The following MRTFA variants were observed in gnomAD, a reference collection of about 807,000 sequenced individuals.
MRTFA encodes the protein myocardin related transcription factor A, also known as myocardin-related transcription factor A.
In MRTFA, 20 loss-of-function variants were observed where a neutral mutation model predicts 83.5. The observed-to-expected ratio is 0.24, with a 90% CI of 0.17 to 0.35. The LOEUF is 0.35. MRTFA is among the 10% of genes least tolerant of loss of function. The pLI, the probability that MRTFA is intolerant of heterozygous loss-of-function variation, is 1.00. For missense variants in MRTFA, 1,200 were observed against 1,224.7 expected, an observed-to-expected ratio of 0.98 and a Z score of 0.30; for synonymous variants, 659 against 541.2, an observed-to-expected ratio of 1.22 and a Z score of -3.02.
At chr22:40,563,362 T>C (rs2055657265) in intron 2 of MRTFA, among the ~76,000 whole-genome samples, 1 of 152,180 alleles carries the variant, frequency 6.6e-6, no homozygotes, top group African/African-American at 2.4e-5. Context: ...TGAAAGGAAC[T>C]CCATTCTACT....
chr22:40,449,768 T>G (rs1358266414), intron 4 of MRTFA, among the ~76,000 whole-genome samples: 1 of 152,214 alleles, frequency 6.6e-6, no homozygotes, highest in Non-Finnish European at 1.5e-5. Context: ...AGTTTTAATT[T>G]CCTGGACTCC....
At chr22:40,554,095 G>C (rs2055483968) in intron 2 of MRTFA, among the ~76,000 whole-genome samples, 2 of 152,128 alleles carry the variant, frequency 1.3e-5, no homozygotes, top group Admixed American at 1.3e-4. Context: ...CCCAATGCCT[G>C]TACCCCCCAT....
chr22:40,419,138 C>A lies in MRTFA; in HGVS notation c.1600G>T (p.Ala534Ser). The change falls in exon 12 of 15, where the codon GCC becomes TCC. Residue 534 changes from alanine (A) to serine (S), a missense_variant. Transcript: ENST00000355630. ...ACCACCCCACTGCTGGCCACCGTGG[C>A]CACCACCACCTCAGCTGGAGCCAGG... 1 of 1,586,906 alleles carries A rather than the reference C, an allele frequency of 6.3e-7. No homozygotes were observed. Among genetic ancestry groups the A allele is most frequent in the East Asian group, 2.3e-5 (1 of 43,026 alleles).
chr22:40,449,170 G>A lies in MRTFA; in HGVS notation c.308-13616C>T, dbSNP rs551559085. On this transcript the variant is annotated intron_variant, in intron 4 of 14. Transcript: ENST00000355630. ...TAGTCCCAGCTACTCTGGAGGCTGA[G>A]GCAGGAGAATGGCGTGAACCCAGGA... Among the ~76,000 whole-genome samples, 132 of 151,968 alleles carry A rather than the reference G, an allele frequency of 8.7e-4. 1 individual carries two copies. The Middle Eastern group carries it at 0.02, about 23-fold the overall frequency.
chr22:40,478,293 A>G (rs547121186), intron 3 of MRTFA, among the ~76,000 whole-genome samples: 45 of 152,298 alleles, frequency 3.0e-4, no homozygotes, highest in African/African-American at 1.0e-3. Flanking sequence ...AATGAAATCC[A>G]AATGAAGTTT....
At chr22:40,596,105 C>G (rs2056188712) in intron 1 of MRTFA, among the ~76,000 whole-genome samples, 1 of 151,900 alleles carries the variant, frequency 6.6e-6, no homozygotes, top group African/African-American at 2.4e-5. Context: ...CTAGAACATA[C>G]TGTCTTTGAT....
chr22:40,491,394 C>T (rs1009753202), intron 3 of MRTFA, among the ~76,000 whole-genome samples: 3 of 152,022 alleles, frequency 2.0e-5, no homozygotes, highest in African/African-American at 7.2e-5. Context: ...CATAGGCAAA[C>T]TCTTTTAATA....
At chr22:40,616,957 T>A (rs2147424335) in intron 1 of MRTFA, among the ~76,000 whole-genome samples, 1 of 151,310 alleles carries the variant, frequency 6.6e-6, no homozygotes, top group East Asian at 1.9e-4. Flanking sequence ...ACAAAAATTA[T>A]CTGGGCATGG....
intron 3 of MRTFA, among the ~76,000 whole-genome samples, chr22:40,475,551 A>T (rs998339435): frequency 1.3e-5 from 2 of 152,084 alleles, no homozygotes; most frequent in African/African-American, 4.8e-5. Flanking sequence ...AAAAAAGTGA[A>T]TAATTACAAT....
chr22:40,568,937 G>A (rs1393115578), intron 2 of MRTFA, among the ~76,000 whole-genome samples: 2 of 152,014 alleles, frequency 1.3e-5, no homozygotes, highest in Non-Finnish European at 2.9e-5. Context: ...AAAATAGAAA[G>A]GTTCTAAATT....
intron 3 of MRTFA, among the ~76,000 whole-genome samples, chr22:40,546,282 A>G (rs1329687004): frequency 1.3e-5 from 2 of 152,234 alleles, no homozygotes; most frequent in Admixed American, 6.5e-5. Flanking sequence ...CAATCTTCTT[A>G]CCAGCCTCTT....
chr22:40,475,330 G>T (rs2053975158), intron 3 of MRTFA, among the ~76,000 whole-genome samples: 1 of 151,672 alleles, frequency 6.6e-6, no homozygotes, highest in African/African-American at 2.4e-5. Flanking sequence ...CTGAGGTCAG[G>T]AGTTCGAGAC....
At chr22:40,609,914 T>C (rs570530620) in intron 1 of MRTFA, among the ~76,000 whole-genome samples, 6 of 152,262 alleles carry the variant, frequency 3.9e-5, no homozygotes, top group Non-Finnish European at 8.8e-5. Context: ...CTCTTTAATA[T>C]ATTAATTCTA....
At chr22:40,433,350 T>A (rs979105352) in intron 5 of MRTFA, 7 of 152,368 alleles carry the variant, frequency 4.6e-5, no homozygotes, top group African/African-American at 1.7e-4. Flanking sequence ...AAAATCAGTT[T>A]GACAAGGTAC....
At chr22:40,624,396 A>G (rs1251151413) in intron 1 of MRTFA, among the ~76,000 whole-genome samples, 1 of 149,000 alleles carries the variant, frequency 6.7e-6, no homozygotes, top group Admixed American at 6.8e-5. Flanking sequence ...ACTGCACTCC[A>G]GCCTGGGCAA....
chr22:40,467,380 C>A (rs2053828030), intron 3 of MRTFA, among the ~76,000 whole-genome samples: 1 of 152,048 alleles, frequency 6.6e-6, no homozygotes, highest in Admixed American at 6.5e-5. Context: ...AATGATCCAT[C>A]GTCTAAGACT....
At chr22:40,457,493 A>AGAAG (rs1170765094) in intron 4 of MRTFA, among the ~76,000 whole-genome samples, 7 of 143,336 alleles carry the variant, frequency 4.9e-5, no homozygotes, top group East Asian at 4.1e-4. Context: ...AAAGAAGGAA[A>AGAAG]GAAAGAAAGA....
rs2147045998 is a variant in MRTFA at position 40,411,311 on chromosome 22, G to T, written c.*79C>A. The T allele has an allele frequency of 1.4e-5, 20 of 1,430,290 alleles. No homozygotes were observed. The South Asian group carries it at 2.4e-4, about 17-fold the overall frequency. 88.6% of individuals were successfully genotyped at this position (1,430,290 alleles called of 1,614,324 possible). The stretch of plus-strand genomic sequence containing the variant: ...GTCAAGACTCACAACCATGTGGAGA[G>T]GCCGAATCACGCAGGAGAGCCACGC... On this transcript the variant is annotated 3_prime_UTR_variant, in exon 15 of 15. Transcript: ENST00000355630.
In MRTFA at chr22:40,550,988, A is replaced by C. The variant is rs559364073; in HGVS notation, c.241+1118T>G. ...TGCCTCAGCCTCCCTAGTAGCTGGG[A>C]TTACAAGCATGTGCCACCATGCCTG... is the stretch of plus-strand genomic sequence containing the variant. On this transcript the variant is annotated intron_variant, in intron 3 of 14. Transcript: ENST00000355630. 1.5e-4 allele frequency among the ~76,000 whole-genome samples: 22 copies of C among 151,354 alleles called. 1 individual carries two copies. In the South Asian group the frequency reaches 2.9e-3, roughly 20 times the overall value.
Sources: allele counts gnomAD v4.1 joint callset (sites outside exome capture counted in the v4.1 genomes callset), GRCh38; gene constraint gnomAD v4.1.1; transcripts MANE v1.5; gene names NCBI Gene and HGNC (gene_info 2026-07-23, HGNC 2026-07-21).